Variants in AGXT observed in about 807,000 individuals in gnomAD.
AGXT encodes the protein alanine--glyoxylate aminotransferase, also known as L-alanine: glyoxylate aminotransferase 1.
In AGXT, 41 loss-of-function variants were observed where a neutral mutation model predicts 46.9. The observed-to-expected ratio is 0.88, with a 90% CI of 0.68 to 1.14. The LOEUF is 1.14. Ranked by LOEUF, AGXT falls within the 50% of genes most tolerant of loss-of-function variation. The pLI, the probability that AGXT is intolerant of heterozygous loss-of-function variation, is 0.00. For synonymous variants in AGXT, 244 were observed against 227.9 expected (o/e 1.07, Z -0.64); for missense variants, 525 against 522.7 (o/e 1.00, Z -0.04).
At chr2:240,872,453 A>AGGGTGAGAGTTCGTGAACATGGAGGC (rs2058997310) in intron 4 of AGXT, among the ~76,000 whole-genome samples, 4 of 53,232 alleles carry the variant, frequency 7.5e-5, no homozygotes, top group East Asian at 7.6e-4. Context: ...AACATGCAGG[A>AGGGTGAGAGTTCGTGAACATGGAGGC]GGAGGAGGGC....
In AGXT at chr2:240,878,035, CCA is replaced by C. The variant is rs796052074; in HGVS notation, c.959_960del (p.Thr320SerfsTer11). The C allele has an allele frequency of 6.2e-7, 1 of 1,612,462 alleles. No homozygotes were observed. The highest frequency in any genetic ancestry group is 8.5e-7 in the Non-Finnish European group (1 of 1,180,006). On this transcript the variant is annotated frameshift_variant, in exon 10 of 11. Coordinates refer to ENST00000307503, the MANE Select transcript of AGXT (RefSeq NM_000030.3). LOFTEE classifies it high-confidence loss of function. ...CCCCTCCTGCAGGCGCTCCGGCTTC[CCA>C]CAGTCACCACTGTGGCTGTACCCGC...
intron 8 of AGXT, among the ~76,000 whole-genome samples, chr2:240,876,300 A>C (rs1050185901): frequency 6.6e-6 from 1 of 152,114 alleles, no homozygotes; most frequent in Non-Finnish European, 1.5e-5. Flanking sequence ...GGCTGGGAGA[A>C]GGGGAGGCCG....
Position 240,871,372 on chromosome 2 carries a change from G to A in AGXT, c.447G>A (p.Val149=). The A allele has an allele frequency of 1.3e-6, 2 of 1,594,158 alleles. No individual in the cohort carries two copies. The highest frequency in any genetic ancestry group is 1.1e-5 in the South Asian group (1 of 87,580). The change falls in exon 4 of 11, where the codon GTG becomes GTA. Residue 149 remains valine (V), a synonymous_variant. Transcript: ENST00000307503. Reference sequence around the variant, plus strand: ...AGGGCCTGGCCCAGCACAAGCCAGTGCTGCTGTTCTTAACCCACGGGGAGT... The same window carrying A: ...AGGGCCTGGCCCAGCACAAGCCAGTACTGCTGTTCTTAACCCACGGGGAGT... ...VEEGLAQHKP[V]LLFLTHGESS...
intron 9 of AGXT, 128 bp downstream of exon 9, chr2:240,877,760 G>A (rs531439707): frequency 2.3e-5 from 26 of 1,108,498 alleles, no homozygotes; most frequent in East Asian, 1.0e-4. Flanking sequence ...GTGTGGCCTC[G>A]GTGCCAGGGA....
At chr2:240,876,133 G>C in intron 8 of AGXT, 129 bp downstream of exon 8, 1 of 1,163,714 alleles carries the variant, frequency 8.6e-7, no homozygotes, top group South Asian at 1.3e-5. Flanking sequence ...GCCCTCAGTG[G>C]GGGTGGGGGA....
chr2:240,877,380 T>A (rs1454967068), intron 8 of AGXT, 157 bp from the exon 9 acceptor site: 2 of 729,876 alleles, frequency 2.7e-6, no homozygotes, highest in East Asian at 2.7e-5. Context: ...CCTGGGGTAG[T>A]CCCAGGCCCT....
chr2:240,876,639 G>A (rs1296956538), intron 8 of AGXT, among the ~76,000 whole-genome samples: 1 of 152,238 alleles, frequency 6.6e-6, no homozygotes, highest in Non-Finnish European at 1.5e-5. Context: ...GGATCCCCGG[G>A]CTGCAGCCAG....
chr2:240,872,522 C>G (rs909729640), intron 4 of AGXT, among the ~76,000 whole-genome samples: 1 of 151,416 alleles, frequency 6.6e-6, no homozygotes, highest in Admixed American at 6.6e-5. Context: ...GCTGCTTGGG[C>G]TGTTCTGGGA....
At chr2:240,872,753 A>G (rs376476708) in intron 4 of AGXT, among the ~76,000 whole-genome samples, 25 of 151,936 alleles carry the variant, frequency 1.6e-4, no homozygotes, top group African/African-American at 5.8e-4. Flanking sequence ...TCACTCCCCC[A>G]GCTCCCTCTG....
At chr2:240,872,327 G>GAGGGTGAGAGTTCGTGAACATGC (rs1559569214) in intron 4 of AGXT, among the ~76,000 whole-genome samples, 7 of 64,174 alleles carry the variant, frequency 1.1e-4, no homozygotes, top group South Asian at 8.4e-4. Context: ...GAACATGGAG[G>GAGGGTGAGAGTTCGTGAACATGC]AGGAGGAGGG....
intron 2 of AGXT, among the ~76,000 whole-genome samples, chr2:240,870,370 G>T (rs1479856122): frequency 1.3e-5 from 2 of 152,174 alleles, no homozygotes; most frequent in African/African-American, 4.8e-5. Context: ...GCACTGGTCA[G>T]TGTGGCCTGA....
In AGXT at chr2:240,868,861, G is replaced by A. The variant is rs565597999; in HGVS notation, c.-5G>A. 1.2e-5 allele frequency: 19 copies of A among 1,607,966 alleles called. No individual in the cohort carries two copies. Among genetic ancestry groups the A allele is most frequent in the African/African-American group, 9.3e-5 (7 of 74,966 alleles). ...GGTTCCCGAGCGGCAGGTTGGGTGC[G>A]GACCATGGCCTCTCACAAGCTGCTG... is the stretch of plus-strand genomic sequence containing the variant. On this transcript the variant is annotated 5_prime_UTR_variant, in exon 1 of 11. Coordinates refer to ENST00000307503, the MANE Select transcript of AGXT (RefSeq NM_000030.3).
chr2:240,872,378 C>T (rs1350367703), intron 4 of AGXT, among the ~76,000 whole-genome samples: 3 of 138,252 alleles, frequency 2.2e-5, no homozygotes, highest in Non-Finnish European at 4.7e-5. Flanking sequence ...GGTGAGAGTT[C>T]GTGAACATGC....
Position 240,878,961 on chromosome 2 carries a change from G to C in AGXT, c.*140G>C. The C allele has an allele frequency of 1.0e-5, 9 of 864,566 alleles. No individual in the cohort carries two copies. In the South Asian group the frequency reaches 1.3e-4, roughly 13 times the overall value. 53.6% of individuals were successfully genotyped at this position (864,566 alleles called of 1,614,324 possible). ...TGACCCAGCCCGGGAGGCAGAACCAGGCAGCCTCCCTGGCCCCAGGCAGCC... is the reference window on the plus strand; with the variant it reads ...TGACCCAGCCCGGGAGGCAGAACCACGCAGCCTCCCTGGCCCCAGGCAGCC... On this transcript the variant is annotated 3_prime_UTR_variant, in exon 11 of 11. Coordinates refer to ENST00000307503, the MANE Select transcript of AGXT (RefSeq NM_000030.3).
chr2:240,873,536 G>A (rs1000753313), intron 5 of AGXT: 20 of 272,352 alleles, frequency 7.3e-5, no homozygotes, highest in Middle Eastern at 1.3e-3. Context: ...ATCCGCTTAC[G>A]GGAGAGAGCC....
At position 240,871,445 on chromosome 2, in the gene AGXT, C is replaced by T. The variant is rs746656296; in HGVS notation, c.520C>T (p.His174Tyr). 5 of 1,584,758 alleles carry T rather than the reference C, an allele frequency of 3.2e-6. No homozygotes were observed. Among genetic ancestry groups the T allele is most frequent in the Admixed American group, 1.8e-5 (1 of 55,956 alleles). The change falls in exon 4 of 11, where the codon CAC (histidine) becomes TAC (tyrosine). Residue 174 changes from histidine (H) to tyrosine (Y), a missense_variant. Coordinates refer to ENST00000307503, the MANE Select transcript of AGXT (RefSeq NM_000030.3). ...CCTTGATGGCTTCGGGGAACTCTGC[C>T]ACAGGTGAGCCTGGCCCCAGGGCGG... ...QPLDGFGELC[H>Y]RYKCLLLVDS...
Position 240,879,080 on chromosome 2 carries a change from C to G in AGXT, c.*259C>G. On this transcript the variant is annotated 3_prime_UTR_variant, in exon 11 of 11. Transcript: ENST00000307503. ...GCTGCAGTCCCCAGGCCATGAGCCT[C>G]CCGGGAATGTTTAATAAAGGGCCTG... is the stretch of plus-strand genomic sequence containing the variant. The G allele has an allele frequency of 5.2e-6, 3 of 578,890 alleles. No individual in the cohort carries two copies. The allele number at this position is 578,890 out of a possible 1,614,324, so 35.9% of individuals were successfully genotyped here.
chr2:240,875,621 G>A (rs2059020503), intron 7 of AGXT, among the ~76,000 whole-genome samples: 1 of 152,250 alleles, frequency 6.6e-6, no homozygotes, highest in Non-Finnish European at 1.5e-5. Flanking sequence ...CTAGCCCAGT[G>A]GGCACAGAGG....
chr2:240,872,092 C>T (rs777641459), intron 4 of AGXT, among the ~76,000 whole-genome samples: 16 of 152,322 alleles, frequency 1.1e-4, no homozygotes, highest in African/African-American at 2.9e-4. Context: ...GCGGCCAGCA[C>T]GAGATACTTT....
Sources: gnomAD v4.1 joint callset for allele counts (sites outside exome capture counted in the v4.1 genomes callset) on GRCh38, gnomAD v4.1.1 for gene constraint, MANE v1.5 for transcripts, NCBI Gene and HGNC (gene_info 2026-07-23, HGNC 2026-07-21) for gene names.